Variants in WDR27 observed in about 807,000 individuals in gnomAD.
WDR27 encodes the protein WD repeat-containing protein 27.
WDR27 carries 100 observed loss-of-function variants against 114.4 expected under a neutral mutation model. The observed-to-expected ratio is 0.87, with a 90% CI of 0.74 to 1.03. The LOEUF is 1.03. Ranked by LOEUF, WDR27 falls within the 50% of genes least tolerant of loss-of-function variation. The pLI, the probability that WDR27 is intolerant of heterozygous loss-of-function variation, is 0.00. For missense variants in WDR27, 1,129 were observed against 1,092.9 expected, an observed-to-expected ratio of 1.03 and a Z score of -0.47; for synonymous variants, 449 against 423.1, an observed-to-expected ratio of 1.06 and a Z score of -0.75.
At chr6:169,649,848 TC>T (rs772231360) in intron 14 of WDR27, among the ~76,000 whole-genome samples, 39 of 127,138 alleles carry the variant, frequency 3.1e-4, no homozygotes, top group Admixed American at 7.4e-4. Context: ...TCTCCATCCA[TC>T]CCCCCCATCA....
rs374182383 is a variant in WDR27 at position 169,632,968 on chromosome 6, G to A, written c.2202C>T (p.Val734=). 1.3e-6 allele frequency: 2 copies of A among 1,587,518 alleles called. No individual in the cohort carries two copies. The highest frequency in any genetic ancestry group is 1.7e-6 in the Non-Finnish European group (2 of 1,159,470). The change falls in exon 21 of 26, where the codon GTC becomes GTT. Residue 734 remains valine, a synonymous_variant. Transcript: ENST00000448612. ...AVIAEAHSRP[V]HQICQNKGSS... is the part of the protein sequence containing the mutation. Reference sequence around the variant, plus strand: ...TCACTTTATTTTGGCAGATTTGATGGACAGGCCGTGAGTGGGCTTCCGCTA... The same window carrying A: ...TCACTTTATTTTGGCAGATTTGATGAACAGGCCGTGAGTGGGCTTCCGCTA...
intron 2 of WDR27, among the ~76,000 whole-genome samples, chr6:169,673,435 T>A (rs1309087005): frequency 6.6e-6 from 1 of 151,880 alleles, no homozygotes; most frequent in South Asian, 2.1e-4. Flanking sequence ...ACACTATATA[T>A]ATATACAAAC....
chr6:169,625,308 A>C (rs551539578), intron 21 of WDR27, among the ~76,000 whole-genome samples: 12 of 152,334 alleles, frequency 7.9e-5, no homozygotes, highest in Middle Eastern at 3.4e-3. Context: ...AGACTCTCAC[A>C]GGAGAGAGGA....
intron 1 of WDR27, among the ~76,000 whole-genome samples, chr6:169,697,929 G>C (rs780714839): frequency 6.6e-6 from 1 of 152,074 alleles, no homozygotes; most frequent in East Asian, 1.9e-4. Context: ...TTCTACACTC[G>C]TCCCCGCGCA....
At chr6:169,439,306 A>T in the WDR27 span, among the ~76,000 whole-genome samples, 1 of 152,198 alleles carries the variant, frequency 6.6e-6, no homozygotes, top group East Asian at 1.9e-4. Context: ...TTGTTATCTT[A>T]AAATGCCATA....
chr6:169,678,984 T>G (rs1003628220), intron 2 of WDR27, among the ~76,000 whole-genome samples: 12 of 152,326 alleles, frequency 7.9e-5, no homozygotes, highest in Admixed American at 5.2e-4. Flanking sequence ...GAGAGCTTAC[T>G]CTGCAGAGTA....
At chr6:169,587,614 C>A (rs555276118) in intron 23 of WDR27, among the ~76,000 whole-genome samples, 90 of 152,294 alleles carry the variant, frequency 5.9e-4, no homozygotes, top group African/African-American at 1.8e-3. Flanking sequence ...TTAAGCCAAA[C>A]CTCTTCTAAA....
At chr6:169,472,518 T>C (rs530886305) in intron 25 of WDR27, among the ~76,000 whole-genome samples, 42 of 152,330 alleles carry the variant, frequency 2.8e-4, no homozygotes, top group African/African-American at 8.9e-4. Context: ...ATATTACTTA[T>C]CTAAAAGTTG....
At chr6:169,695,184 T>C (rs1433969618) in intron 1 of WDR27, among the ~76,000 whole-genome samples, 1 of 152,228 alleles carries the variant, frequency 6.6e-6, no homozygotes, top group East Asian at 1.9e-4. Context: ...AGATCATTGG[T>C]GCTGGAGCCT....
chr6:169,671,026 T>C (rs1421364143), intron 3 of WDR27: 1 of 218,818 alleles, frequency 4.6e-6, no homozygotes, highest in Non-Finnish European at 9.0e-6. Context: ...CAACCCCATG[T>C]CCACCCTCAT....
chr6:169,657,426 G>A (rs9478088), intron 13 of WDR27, among the ~76,000 whole-genome samples: 19,374 of 152,242 alleles, frequency 0.13, 1,351 homozygotes, highest in African/African-American at 0.16. Flanking sequence ...AGCCCGGCCC[G>A]GGGAGAGGCC....
At chr6:169,576,523 G>A (rs760925405) in intron 24 of WDR27, among the ~76,000 whole-genome samples, 6 of 152,228 alleles carry the variant, frequency 3.9e-5, no homozygotes, top group Non-Finnish European at 5.9e-5. Flanking sequence ...CACTTTGGGA[G>A]GCTGAGGTGG....
At chr6:169,563,493 G>T (rs1473214339) in intron 25 of WDR27, among the ~76,000 whole-genome samples, 1 of 152,018 alleles carries the variant, frequency 6.6e-6, no homozygotes, top group Non-Finnish European at 1.5e-5. Flanking sequence ...ACAAACCAAA[G>T]GTTATTTTCA....
At chr6:169,694,726 T>A (rs1239411136) in intron 1 of WDR27, among the ~76,000 whole-genome samples, 1 of 152,150 alleles carries the variant, frequency 6.6e-6, no homozygotes, top group East Asian at 1.9e-4. Flanking sequence ...GGCCCCCTGG[T>A]CTCCCCAACC....
chr6:169,633,441 G>C lies in WDR27; in HGVS notation c.2102-373C>G, dbSNP rs148657832. Among the ~76,000 whole-genome samples the C allele has an allele frequency of 1.6e-3, 242 of 152,330 alleles. 1 individual carries two copies. The highest frequency in any genetic ancestry group is 5.5e-3 in the African/African-American group (230 of 41,570). On this transcript the variant is annotated intron_variant, in intron 20 of 25. Coordinates refer to ENST00000448612, the MANE Select transcript of WDR27 (RefSeq NM_182552.5). ...ATACTGCACTCAGCAGAAAGGGCTG[G>C]ACTAAGATTAGACAGATCCACAGAA...
chr6:169,634,433 T>G lies in WDR27; in HGVS notation c.2096A>C (p.Tyr699Ser), dbSNP rs1321522131. 6 of 1,611,200 alleles carry G rather than the reference T, an allele frequency of 3.7e-6. No homozygotes were observed. The highest frequency in any genetic ancestry group is 5.1e-6 in the Non-Finnish European group (6 of 1,178,654). The part of the protein sequence containing the change: ...MTSLSAVNDF[Y>S]SHIVLAAGRN... Reference sequence around the variant, plus strand: ...GGATCCGGGAGAAAGGATACGGGAATAAAAGTCGTTGACTGCCGATAAACT... The same window carrying G: ...GGATCCGGGAGAAAGGATACGGGAAGAAAAGTCGTTGACTGCCGATAAACT... Residue 699 changes from tyrosine to serine, a missense_variant, in exon 20 of 26, where the codon TAT (tyrosine) becomes TCT (serine). Physicochemically the swap from Tyr to Ser is moderately radical, Grantham distance 144 (BLOSUM62 -2). Transcript: ENST00000448612.
rs989181733 is a variant in WDR27, at chr6:169,667,264, T to C, written c.661-77A>G. The C allele has an allele frequency of 3.7e-6, 5 of 1,359,312 alleles. No individual in the cohort carries two copies. In the Admixed American group the frequency reaches 1.8e-4, roughly 50 times the overall value. 84.2% of individuals were successfully genotyped at this position (1,359,312 alleles called of 1,614,324 possible). A position where few individuals can be genotyped will look rare whatever the true frequency, so the allele number is the denominator to read the frequency against. ...GCAACAGGTGAAGCTAACAGTACTA[T>C]TCACTATCAGATTAGTCAACACAAA... On this transcript the variant is annotated intron_variant, in intron 5 of 25. Coordinates refer to ENST00000448612, the MANE Select transcript of WDR27 (RefSeq NM_182552.5).
chr6:169,515,257 C>T (rs1793488261), intron 25 of WDR27, among the ~76,000 whole-genome samples: 1 of 151,724 alleles, frequency 6.6e-6, no homozygotes. Context: ...GAGAAGGAGA[C>T]CCGGGGCAGT....
chr6:169,428,145 ACTTTAT>A, the WDR27 span, among the ~76,000 whole-genome samples: 1 of 152,118 alleles, frequency 6.6e-6, no homozygotes, highest in Admixed American at 6.5e-5. Context: ...TGTAATTTTT[ACTTTAT>A]CTTTTACTAA....
Sources: allele counts gnomAD v4.1 joint callset (sites outside exome capture counted in the v4.1 genomes callset), GRCh38; gene constraint gnomAD v4.1.1; transcripts MANE v1.5; gene names NCBI Gene and HGNC (gene_info 2026-07-23, HGNC 2026-07-21).